Variants in WRN observed in about 807,000 individuals in gnomAD.
The protein encoded by WRN is bifunctional 3'-5' exonuclease/ATP-dependent helicase WRN.
Under a neutral mutation model 180.7 loss-of-function variants are expected in WRN, and 149 were observed. That is an observed-to-expected ratio of 0.82 (90% confidence interval 0.72 to 0.94). WRN has a LOEUF of 0.94. WRN is among the 40% of genes least tolerant of loss of function. The pLI is 0.00. For missense variants in WRN, 1,661 were observed against 1,700.1 expected, an observed-to-expected ratio of 0.98 and a Z score of 0.40; for synonymous variants, 548 against 568.9, an observed-to-expected ratio of 0.96 and a Z score of 0.52.
In WRN at chr8:31,154,669, A is replaced by C; in HGVS notation, c.3733A>C (p.Ser1245Arg). 1 of 1,613,658 alleles carries C rather than the reference A, an allele frequency of 6.2e-7. No individual in the cohort carries two copies. Among genetic ancestry groups the C allele is most frequent in the East Asian group, 2.2e-5 (1 of 44,754 alleles). The part of the protein sequence containing the change: ...STKPQEEQKT[S>R]LVAKNKICTL... ...AAAACCTCAAGAAGAACAGAAGACG[A>C]GTCTGGTAGCAAAAAATAAAATATG... The change falls in exon 32 of 35, where the codon AGT becomes CGT. Residue 1245 changes from serine (S) to arginine (R), a missense_variant. Physicochemically the swap from Ser to Arg is moderately radical, Grantham distance 110. Coordinates refer to ENST00000298139, the MANE Select transcript of WRN (RefSeq NM_000553.6).
intron 11 of WRN, among the ~76,000 whole-genome samples, chr8:31,085,633 C>T (rs961087260): frequency 6.6e-6 from 1 of 151,984 alleles, no homozygotes; most frequent in Non-Finnish European, 1.5e-5. Flanking sequence ...CCATACCCGG[C>T]TTATTTTTGT....
At chr8:31,083,617 A>G in intron 9 of WRN, 82 bp from the exon 10 acceptor site, 3 of 985,896 alleles carry the variant, frequency 3.0e-6, no homozygotes, top group Non-Finnish European at 4.8e-6. Flanking sequence ...AAAGATATCT[A>G]GTATATAGGA....
rs1813759748 is a variant in WRN, at chr8:31,091,873, G to A, written c.1873G>A (p.Glu625Lys). 3 of 1,613,012 alleles carry A rather than the reference G, an allele frequency of 1.9e-6. No homozygotes were observed. Among genetic ancestry groups the A allele is most frequent in the Admixed American group, 3.3e-5 (2 of 59,938 alleles). The change falls in exon 16 of 35, where the codon GAA (glutamate) becomes AAA (lysine). Residue 625 changes from glutamate (E) to lysine (K), a missense_variant. By Grantham distance (56) the Glu-to-Lys change is moderately conservative (BLOSUM62 1). This residue lies in a region of WRN where 1,141 missense variants were observed against 1,149.4 expected (regional missense o/e 0.99). Coordinates refer to ENST00000298139, the MANE Select transcript of WRN (RefSeq NM_000553.6). ...PACFLGSAQS[E>K]NVLTDIKLGK... ...TTGCTTCCTTGGATCAGCACAGTCA[G>A]AAAATGTTCTAACAGATATTAAATT...
chr8:31,058,412 T>A lies in WRN; in HGVS notation c.-36T>A. The A allele has an allele frequency of 1.3e-6, 2 of 1,574,212 alleles. No individual in the cohort carries two copies. The highest frequency in any genetic ancestry group is 1.7e-6 in the Non-Finnish European group (2 of 1,145,854). ...TGTTTTGTATTTACCCATGAAGACA[T>A]TGTTTTTTGGACTCTGCAAATAGGA... On this transcript the variant is annotated 5_prime_UTR_variant, in exon 2 of 35. The change creates a new upstream start codon in the 5' untranslated region. Coordinates refer to ENST00000298139, the MANE Select transcript of WRN (RefSeq NM_000553.6).
intron 17 of WRN, among the ~76,000 whole-genome samples, 160 bp from the exon 18 acceptor site, chr8:31,100,689 A>G (rs1413679075): frequency 1.3e-5 from 2 of 152,150 alleles, no homozygotes; most frequent in Non-Finnish European, 2.9e-5. Context: ...CCTATTTCCA[A>G]TAATGATTTT....
intron 33 of WRN, 95 bp from the exon 34 acceptor site, chr8:31,166,926 TC>T: frequency 7.9e-7 from 1 of 1,262,992 alleles, no homozygotes; most frequent in Non-Finnish European, 1.1e-6. Context: ...CCTTCCACCT[TC>T]CTTTCTACAG....
At chr8:31,101,785 C>T (rs2725332) in intron 18 of WRN, among the ~76,000 whole-genome samples, 25 of 82,552 alleles carry the variant, frequency 3.0e-4, no homozygotes, top group Non-Finnish European at 3.0e-4. Context: ...GAAACTCTGT[C>T]TCAAAAAAAA....
At chr8:31,160,039 T>C (rs1279128229) in intron 33 of WRN, among the ~76,000 whole-genome samples, 2 of 151,928 alleles carry the variant, frequency 1.3e-5, no homozygotes, top group Non-Finnish European at 2.9e-5. Context: ...CTTTAAATGT[T>C]AATTACACAA....
At chr8:31,104,851 T>C (rs1456175241) in intron 18 of WRN, among the ~76,000 whole-genome samples, 1 of 152,222 alleles carries the variant, frequency 6.6e-6, no homozygotes, top group African/African-American at 2.4e-5. Flanking sequence ...GTTATATTAA[T>C]TTTGAACGAA....
chr8:31,167,155 G>A lies in WRN; in HGVS notation c.4116G>A (p.Arg1372=), dbSNP rs1585550128. The change falls in exon 34 of 35, where the codon AGG becomes AGA. Residue 1372 remains arginine, a synonymous_variant. Coordinates refer to ENST00000298139, the MANE Select transcript of WRN (RefSeq NM_000553.6). ...AACCTTCATGTGATGTCAACAAAAG[G>A]AGATGTTTTCCCGGTTCTGAAGAGA... is the stretch of plus-strand genomic sequence containing the variant. ...GLQPSCDVNK[R]RCFPGSEEIC... 2.5e-6 allele frequency: 4 copies of A among 1,613,192 alleles called. No homozygotes were observed. The highest frequency in any genetic ancestry group is 1.1e-5 in the South Asian group (1 of 91,046).
chr8:31,158,805 A>G (rs1417507887), intron 33 of WRN, among the ~76,000 whole-genome samples: 1 of 152,134 alleles, frequency 6.6e-6, no homozygotes, highest in Non-Finnish European at 1.5e-5. Flanking sequence ...GTGGAAGCAC[A>G]GGGAAAGGAC....
At chr8:31,131,160 C>T (rs201199033) in intron 23 of WRN, among the ~76,000 whole-genome samples, 106 of 106,776 alleles carry the variant, frequency 9.9e-4, no homozygotes, top group Middle Eastern at 0.014. Flanking sequence ...TTGCAACTTT[C>T]TTTTTTTTTG....
intron 8 of WRN, among the ~76,000 whole-genome samples, chr8:31,077,334 G>A (rs745594862): frequency 3.9e-5 from 6 of 152,038 alleles, no homozygotes; most frequent in Non-Finnish European, 5.9e-5. Flanking sequence ...TCCGCCTCCC[G>A]GGTTCACACC....
chr8:31,101,049 A>G lies in WRN; in HGVS notation c.2088+94A>G, dbSNP rs114569873. On this transcript the variant is annotated intron_variant, in intron 18 of 34. Transcript: ENST00000298139. The stretch of plus-strand genomic sequence containing the variant: ...TGGTAAAGAAGCTGAAGACTTCACT[A>G]TAAAAGAGCAAATGGATAATGTAAA... The G allele has an allele frequency of 8.2e-4, 811 of 985,030 alleles. 7 individuals are homozygous for G. The African/African-American group carries it at 0.012, about 15-fold the overall frequency. 61.0% of individuals were successfully genotyped at this position (985,030 alleles called of 1,614,324 possible). A position where few individuals can be genotyped will look rare whatever the true frequency, so the allele number is the denominator to read the frequency against.
At chr8:31,079,554 A>G (rs983352666) in intron 8 of WRN, among the ~76,000 whole-genome samples, 8 of 152,182 alleles carry the variant, frequency 5.3e-5, no homozygotes, top group South Asian at 4.1e-4. Context: ...TTCCATTCCA[A>G]CTAACTAGAT....
chr8:31,124,912 ATCT>A lies in WRN; in HGVS notation c.2739_2741del (p.Ile913_Leu914delinsMet). The A allele has an allele frequency of 6.2e-7, 1 of 1,612,890 alleles. No individual in the cohort carries two copies. Among genetic ancestry groups the A allele is most frequent in the Non-Finnish European group, 8.5e-7 (1 of 1,179,316 alleles). Reference sequence around the variant, plus strand: ...TTAAAATTTTGTCTTGGGTAGAATCATCTTGTCTCATTTTGAGGACAAACAAGT... The same window carrying A: ...TTAAAATTTTGTCTTGGGTAGAATCATGTCTCATTTTGAGGACAAACAAGT... On this transcript the variant is annotated inframe_deletion, in exon 23 of 35. Transcript: ENST00000298139.
At chr8:31,060,055 CA>C (rs1272667569) in intron 3 of WRN, among the ~76,000 whole-genome samples, 111 of 134,658 alleles carry the variant, frequency 8.2e-4, no homozygotes, top group Middle Eastern at 3.8e-3. Flanking sequence ...GGCTCCGTCT[CA>C]AAAAAAAAAA....
At chr8:31,131,094 A>G (rs1343122551) in intron 23 of WRN, among the ~76,000 whole-genome samples, 1 of 151,990 alleles carries the variant, frequency 6.6e-6, no homozygotes, top group Non-Finnish European at 1.5e-5. Flanking sequence ...AAAGAGTAGG[A>G]AGGGGAAGGT....
chr8:31,088,412 G>A (rs1434007921), intron 12 of WRN, among the ~76,000 whole-genome samples: 1 of 152,060 alleles, frequency 6.6e-6, no homozygotes, highest in East Asian at 1.9e-4. Flanking sequence ...ATGACATTTA[G>A]GTAACTAAAC....
Sources: gnomAD v4.1 joint callset for allele counts (sites outside exome capture counted in the v4.1 genomes callset) on GRCh38, gnomAD v4.1.1 for gene constraint, gnomAD v4.1.1 regional missense constraint, MANE v1.5 for transcripts, NCBI Gene and HGNC (gene_info 2026-07-23, HGNC 2026-07-21) for gene names.